Variants in TSPEAR observed in about 807,000 individuals in gnomAD.
TSPEAR encodes thrombospondin type laminin G domain and EAR repeats.
TSPEAR carries 69 observed loss-of-function variants against 71.6 expected under a neutral mutation model. That is an observed-to-expected ratio of 0.96 (90% confidence interval 0.79 to 1.18). The LOEUF (loss-of-function observed/expected upper bound fraction) is 1.18, where lower values mean the gene tolerates loss of function less well. TSPEAR is among the 50% of genes most tolerant of loss of function. TSPEAR has a pLI of 0.00. For missense variants in TSPEAR, 971 were observed against 894.9 expected (o/e 1.09, Z -1.09); for synonymous variants, 402 against 387.2 (o/e 1.04, Z -0.45).
chr21:44,597,410 C>CTCTTTTTCTTTT (rs1331622710), intron 1 of TSPEAR, among the ~76,000 whole-genome samples: 2 of 148,520 alleles, frequency 1.3e-5, no homozygotes, highest in Admixed American at 6.7e-5. Flanking sequence ...GCTTTCTGTG[C>CTCTTTTTCTTTT]TCTTTTTCTT....
At chr21:44,639,450 G>A (rs1177584562) in intron 1 of TSPEAR, among the ~76,000 whole-genome samples, 5 of 152,178 alleles carry the variant, frequency 3.3e-5, no homozygotes, top group Admixed American at 2.6e-4. Flanking sequence ...CAGCCGCCTC[G>A]CTCACTCCCC....
At chr21:44,579,737 C>T (rs1555924533) in intron 1 of TSPEAR, 2 of 1,597,000 alleles carry the variant, frequency 1.3e-6, no homozygotes, top group Admixed American at 3.4e-5. Context: ...ACATCAGCAA[C>T]TGGACTCCTG....
intron 1 of TSPEAR, chr21:44,573,765 G>A (rs375842508): frequency 9.9e-6 from 16 of 1,613,306 alleles, no homozygotes; most frequent in African/African-American, 6.7e-5. Flanking sequence ...CACCATGTCC[G>A]TCTGCTCCAG....
intron 1 of TSPEAR, among the ~76,000 whole-genome samples, chr21:44,682,358 T>A (rs1555948231): frequency 6.6e-6 from 1 of 152,218 alleles, no homozygotes; most frequent in Non-Finnish European, 1.5e-5. Flanking sequence ...CAAGCTCTTG[T>A]TACATTTGGA....
intron 10 of TSPEAR, chr21:44,508,380 G>A (rs988857363): frequency 3.4e-5 from 23 of 668,290 alleles, no homozygotes; most frequent in Middle Eastern, 7.6e-4. Flanking sequence ...AATTGTTACC[G>A]AATGAAATAG....
rs1555915999 is a variant in TSPEAR, at chr21:44,533,749, G to C, written c.478C>G (p.Leu160Val). The change falls in exon 3 of 12, where the codon CTG (leucine) becomes GTG (valine). Residue 160 changes from leucine to valine, a missense_variant. Physicochemically the swap from Leu to Val is conservative, Grantham distance 32. Transcript: ENST00000323084. The stretch of plus-strand genomic sequence containing the variant: ...ACGCCTGCGGACACAGCCAGGACCA[G>C]TGTGTGCCAGCGGCCATCCACCAGG... ...PALVDGRWHTLVLAVSAGVFS... is the reference protein window; with the variant it reads ...PALVDGRWHTVVLAVSAGVFS... The C allele has an allele frequency of 6.2e-7, 1 of 1,612,466 alleles. No individual in the cohort carries two copies. Among genetic ancestry groups the C allele is most frequent in the African/African-American group, 1.3e-5 (1 of 75,054 alleles).
intron 1 of TSPEAR, among the ~76,000 whole-genome samples, chr21:44,641,180 A>T (rs1984000483): frequency 6.6e-6 from 1 of 152,246 alleles, no homozygotes; most frequent in Non-Finnish European, 1.5e-5. Flanking sequence ...GGGTCCTCAG[A>T]CATGTGAGGA....
At chr21:44,622,565 A>G (rs955343738) in intron 1 of TSPEAR, among the ~76,000 whole-genome samples, 6 of 152,202 alleles carry the variant, frequency 3.9e-5, no homozygotes, top group Non-Finnish European at 7.3e-5. Flanking sequence ...TGGTGCTCCC[A>G]GCAAACCTTG....
At chr21:44,621,280 A>G (rs1982415657) in intron 1 of TSPEAR, among the ~76,000 whole-genome samples, 1 of 152,224 alleles carries the variant, frequency 6.6e-6, no homozygotes, top group East Asian at 1.9e-4. Context: ...TGAAGTCTCA[A>G]ACTCTTACTG....
At chr21:44,503,672 GCGGGGAAGCAAGGC>G (rs2052106928) in intron 11 of TSPEAR, among the ~76,000 whole-genome samples, 1 of 135,134 alleles carries the variant, frequency 7.4e-6, no homozygotes, top group African/African-American at 2.9e-5. Context: ...TGAGCCCACA[GCGGGGAAGCAAGGC>G]TCTGGGAGGA....
Position 44,509,033 on chromosome 21 carries a change from A to G in TSPEAR, c.1754+166T>C, listed in dbSNP as rs1279652281. 7.8e-6 allele frequency: 11 copies of G among 1,406,414 alleles called. No individual in the cohort carries two copies. In the Admixed American group the frequency reaches 2.3e-4, roughly 29 times the overall value. The allele number at this position is 1,406,414 out of a possible 1,614,324, so 87.1% of individuals were successfully genotyped here. Reference sequence around the variant, plus strand: ...ACTTCCCCAGGCCAGGAAAGTCCCCAGGCCATTCTTTCCACAGGAAGGTCC... The same window carrying G: ...ACTTCCCCAGGCCAGGAAAGTCCCCGGGCCATTCTTTCCACAGGAAGGTCC... On this transcript the variant is annotated intron_variant, in intron 10 of 11. Transcript: ENST00000323084.
At chr21:44,562,579 A>G (rs1341927650) in intron 2 of TSPEAR, among the ~76,000 whole-genome samples, 4 of 152,228 alleles carry the variant, frequency 2.6e-5, no homozygotes, top group African/African-American at 4.8e-5. Context: ...CATAGTAAAA[A>G]TACTGAAAGT....
intron 1 of TSPEAR, among the ~76,000 whole-genome samples, chr21:44,692,469 C>A (rs1216059461): frequency 6.6e-6 from 1 of 152,066 alleles, no homozygotes; most frequent in East Asian, 1.9e-4. Context: ...CCCAAAGAAT[C>A]CACAAGAAAG....
At chr21:44,579,012 T>C (rs430609) in intron 1 of TSPEAR, among the ~76,000 whole-genome samples, 143,983 of 152,246 alleles carry the variant, frequency 0.95, 68,230 homozygotes, top group Non-Finnish European at 0.97. Flanking sequence ...CCTTGTCTCC[T>C]GCGCAGGTGC....
chr21:44,540,146 G>T lies in TSPEAR; in HGVS notation c.304-6223C>A, dbSNP rs782730986. On this transcript the variant is annotated intron_variant, in intron 2 of 11. Coordinates refer to ENST00000323084, the MANE Select transcript of TSPEAR (RefSeq NM_144991.3). ...GGAGCAGACGGACATGGTGGACGCGGCCATGCTGGGGTGGGGAGGAGGTGA... is the reference window on the plus strand; with the variant it reads ...GGAGCAGACGGACATGGTGGACGCGTCCATGCTGGGGTGGGGAGGAGGTGA... 2.5e-6 allele frequency: 4 copies of T among 1,612,722 alleles called. No homozygotes were observed. The South Asian group carries it at 4.4e-5, about 18-fold the overall frequency.
chr21:44,677,430 G>A, intron 1 of TSPEAR: 1 of 955,622 alleles, frequency 1.0e-6, no homozygotes. Flanking sequence ...AGTGACATTT[G>A]CAGTTTGCCT....
chr21:44,557,604 G>A (rs2146046088), intron 2 of TSPEAR, among the ~76,000 whole-genome samples: 1 of 152,314 alleles, frequency 6.6e-6, no homozygotes, highest in Admixed American at 6.5e-5. Context: ...GGGGCCTGGA[G>A]ACGCTGAGGC....
rs2052291325 is a variant in TSPEAR, at chr21:44,509,400, AGAGCAGGTGCAGAGGTGTGGGG to A, written c.1567-36_1567-15del. 2 of 1,558,522 alleles carry A rather than the reference AGAGCAGGTGCAGAGGTGTGGGG, an allele frequency of 1.3e-6. No homozygotes were observed. Among genetic ancestry groups the A allele is most frequent in the Non-Finnish European group, 1.7e-6 (2 of 1,144,558 alleles). ...AGCACCGAACGTCTAGGACCAAAGGAGAGCAGGTGCAGAGGTGTGGGGGAGCGGGCGCAGAGGTGTGGGGGAG... is the reference window on the plus strand; with the variant it reads ...AGCACCGAACGTCTAGGACCAAAGGAGAGCGGGCGCAGAGGTGTGGGGGAG... On this transcript the variant is annotated splice_polypyrimidine_tract_variant and intron_variant, in intron 9 of 11. Transcript: ENST00000323084.
intron 10 of TSPEAR, among the ~76,000 whole-genome samples, chr21:44,505,589 C>T (rs1601320403): frequency 1.1e-5 from 1 of 94,034 alleles, no homozygotes; most frequent in East Asian, 3.5e-4. Context: ...CCCCCCCAGC[C>T]CCGGCACCCA....
Sources: gnomAD v4.1 joint callset for allele counts (sites outside exome capture counted in the v4.1 genomes callset) on GRCh38, gnomAD v4.1.1 for gene constraint, MANE v1.5 for transcripts, NCBI Gene and HGNC (gene_info 2026-07-23, HGNC 2026-07-21) for gene names.